The following DDX6 variants were observed in gnomAD, a reference collection of about 807,000 sequenced individuals.
DDX6 encodes the protein probable ATP-dependent RNA helicase DDX6.
In DDX6, 7 loss-of-function variants were observed where a neutral mutation model predicts 60.6. The ratio of observed to expected loss-of-function variants is 0.12; its 90% CI spans 0.07 to 0.22. DDX6 has a LOEUF of 0.22. Among genes scored for constraint, DDX6 ranks in the 10% least tolerant of loss-of-function variants. The pLI is 1.00. For synonymous variants in DDX6, 207 were observed against 201.0 expected (o/e 1.03, Z -0.25); for missense variants, 270 against 589.9 (o/e 0.46, Z 5.62).
chr11:118,787,434 A>C (rs1591930067), intron 1 of DDX6: 1 of 151,926 alleles, frequency 6.6e-6, no homozygotes, highest in South Asian at 2.1e-4. Context: ...GTGCCACTGC[A>C]CTCCAGCCTC....
Position 118,764,821 on chromosome 11 carries a change from T to TATACACACACACAC in DDX6, c.646+387_646+388insGTGTGTGTGTGTAT, listed in dbSNP as rs143249039. Among the ~76,000 whole-genome samples the TATACACACACACAC allele has an allele frequency of 8.8e-4, 123 of 139,030 alleles. No homozygotes were observed. In the Middle Eastern group the frequency reaches 0.042, roughly 47 times the overall value. The allele number at this position is 139,030 out of a possible 152,430, so 91.2% of individuals were successfully genotyped here. A position where few individuals can be genotyped will look rare whatever the true frequency, so the allele number is the denominator to read the frequency against. On this transcript the variant is annotated intron_variant, in intron 6 of 13. Transcript: ENST00000534980. ...TCCATCTCCAAAAAAAAAAAAAATA[T>TATACACACACACAC]ACACACACACACACACATTATATAT...
chr11:118,769,201 T>C (rs1167457382), intron 4 of DDX6, among the ~76,000 whole-genome samples: 1 of 152,088 alleles, frequency 6.6e-6, no homozygotes, highest in Non-Finnish European at 1.5e-5. Flanking sequence ...AGCACACCAA[T>C]TTGACCACAG....
rs1860689380 is a variant in DDX6, at chr11:118,749,742, G to C, written c.*2363C>G. ...CAAGAGGTGGGGGAGAAAGAGAGCTGCATCGGTACAAGGGCACAATTTTTT... is the reference window on the plus strand; with the variant it reads ...CAAGAGGTGGGGGAGAAAGAGAGCTCCATCGGTACAAGGGCACAATTTTTT... On this transcript the variant is annotated 3_prime_UTR_variant, in exon 14 of 14. Transcript: ENST00000534980. 1 of 152,628 alleles carries C rather than the reference G, an allele frequency of 6.6e-6. No homozygotes were observed. Among genetic ancestry groups the C allele is most frequent in the African/African-American group, 2.4e-5 (1 of 41,452 alleles). The allele number at this position is 152,628 out of a possible 1,614,324, so 9.5% of individuals were successfully genotyped here. A position where few individuals can be genotyped will look rare whatever the true frequency, so the allele number is the denominator to read the frequency against.
At chr11:118,774,437 AT>A (rs1368883195) in intron 4 of DDX6, among the ~76,000 whole-genome samples, 1 of 146,726 alleles carries the variant, frequency 6.8e-6, no homozygotes, top group East Asian at 2.0e-4. Flanking sequence ...AGAGCATATA[AT>A]TTTAAGTGCC....
At chr11:118,762,825 G>A (rs917798869) in intron 7 of DDX6, among the ~76,000 whole-genome samples, 3 of 152,100 alleles carry the variant, frequency 2.0e-5, no homozygotes, top group Non-Finnish European at 4.4e-5. Context: ...GATAATACAT[G>A]TAACAGAGAT....
At chr11:118,766,098 GC>G (rs1460337366) in intron 5 of DDX6, among the ~76,000 whole-genome samples, 1 of 151,972 alleles carries the variant, frequency 6.6e-6, no homozygotes, top group East Asian at 1.9e-4. Context: ...AAGAAACACT[GC>G]CCCTTATAAT....
chr11:118,786,075 T>C lies in DDX6; in HGVS notation c.177A>G (p.Ala59=), dbSNP rs1565580843. The stretch of plus-strand genomic sequence containing the variant: ...ACTTAATAGTGGTGGTCATACTCTG[T>C]GCTTGCTGCTGAGTGCCATTATTGA... ...NTINNGTQQQ[A]QSMTTTIKPG... Residue 59 remains alanine, a synonymous_variant, in exon 2 of 14, where the codon GCA becomes GCG. Coordinates refer to ENST00000534980, the MANE Select transcript of DDX6 (RefSeq NM_004397.6). The C allele has an allele frequency of 2.5e-6, 4 of 1,614,006 alleles. No individual in the cohort carries two copies. Among genetic ancestry groups the C allele is most frequent in the Non-Finnish European group, 3.4e-6 (4 of 1,179,872 alleles).
In DDX6 at chr11:118,759,051, A is replaced by G. The variant is rs1239362501; in HGVS notation, c.865-149T>C. ...TTCAAAACAAAATATATGATCTGTCATTACAGAATTTCCCCCCTGCCACCC... is the reference window on the plus strand; with the variant it reads ...TTCAAAACAAAATATATGATCTGTCGTTACAGAATTTCCCCCCTGCCACCC... On this transcript the variant is annotated intron_variant, in intron 8 of 13. Transcript: ENST00000534980. 5.3e-5 allele frequency: 57 copies of G among 1,070,866 alleles called. 1 individual carries two copies. The highest frequency in any genetic ancestry group is 1.6e-5 in the African/African-American group (1 of 62,200). The allele number at this position is 1,070,866 out of a possible 1,614,324, so 66.3% of individuals were successfully genotyped here. A position where few individuals can be genotyped will look rare whatever the true frequency, so the allele number is the denominator to read the frequency against.
chr11:118,777,892 A>G (rs1039574849), intron 4 of DDX6, among the ~76,000 whole-genome samples: 22 of 138,188 alleles, frequency 1.6e-4, no homozygotes, highest in Non-Finnish European at 2.8e-4. Context: ...CCATCTCAAA[A>G]AAGAGAAAAA....
At position 118,786,419 on chromosome 11, in the gene DDX6, G is replaced by GGTAAGCAGCAGTAACTTGC; in HGVS notation, c.-187_-169dup. On this transcript the variant is annotated 5_prime_UTR_variant, in exon 2 of 14. Transcript: ENST00000534980. ...GGCAAGCACCTGTAAGTCTCTGAAC[G>GGTAAGCAGCAGTAACTTGC]GTAAGCAGCAGTAACTTGCTCTCTT... The GGTAAGCAGCAGTAACTTGC allele has an allele frequency of 2.0e-6, 1 of 488,910 alleles. No homozygotes were observed. Among genetic ancestry groups the GGTAAGCAGCAGTAACTTGC allele is most frequent in the South Asian group, 4.8e-5 (1 of 20,954 alleles). 30.3% of individuals were successfully genotyped at this position (488,910 alleles called of 1,614,324 possible). A position where few individuals can be genotyped will look rare whatever the true frequency, so the allele number is the denominator to read the frequency against.
rs1860735328 is a variant in DDX6, at chr11:118,750,817, TC to T, written c.*1287del. On this transcript the variant is annotated 3_prime_UTR_variant, in exon 14 of 14. Transcript: ENST00000534980. ...TATCAATGTTTTGAAGCTTCCTTGCTCTCTCTGGTAAACCTACTCCAAAGGT... is the reference window on the plus strand; with the variant it reads ...TATCAATGTTTTGAAGCTTCCTTGCTTCTCTGGTAAACCTACTCCAAAGGT... 1 of 151,632 alleles carries T rather than the reference TC, an allele frequency of 6.6e-6. No individual in the cohort carries two copies. Among genetic ancestry groups the T allele is most frequent in the African/African-American group, 2.4e-5 (1 of 41,290 alleles). The allele number at this position is 151,632 out of a possible 1,614,324, so 9.4% of individuals were successfully genotyped here.
chr11:118,756,193 T>C, intron 11 of DDX6, 67 bp downstream of exon 11: 1 of 1,300,814 alleles, frequency 7.7e-7, no homozygotes, highest in Non-Finnish European at 1.1e-6. Flanking sequence ...CTATGTAATA[T>C]GAACAGAGAA....
chr11:118,753,495 A>G (rs989955279), intron 13 of DDX6, among the ~76,000 whole-genome samples: 10 of 151,484 alleles, frequency 6.6e-5, no homozygotes, highest in Non-Finnish European at 1.3e-4. Flanking sequence ...GCGTGTCACC[A>G]TGCCCGGCTA....
At chr11:118,758,459 C>T (rs778176756) in intron 9 of DDX6, among the ~76,000 whole-genome samples, 3 of 152,074 alleles carry the variant, frequency 2.0e-5, no homozygotes, top group South Asian at 2.1e-4. Context: ...CTGCAGCCTC[C>T]GCCTCCTGGG....
At chr11:118,776,736 G>A (rs1017189662) in intron 4 of DDX6, among the ~76,000 whole-genome samples, 1 of 151,968 alleles carries the variant, frequency 6.6e-6, no homozygotes, top group African/African-American at 2.4e-5. Context: ...GGGAGGCTGA[G>A]GCAGGGGAAT....
At chr11:118,756,812 TATTTTA>T (rs1462531762) in intron 10 of DDX6, among the ~76,000 whole-genome samples, 6 of 152,222 alleles carry the variant, frequency 3.9e-5, no homozygotes, top group African/African-American at 7.2e-5. Context: ...ACTGACTTTT[TATTTTA>T]ATTTTAACTG....
chr11:118,769,793 C>T lies in DDX6; in HGVS notation c.370-1441G>A, dbSNP rs1861475944. On this transcript the variant is annotated intron_variant, in intron 4 of 13. Transcript: ENST00000534980. ...AATCTCGGCTCACTGCAAGCTCTGG[C>T]TCCCGGGTTCACGCCATTCTCCTGC... 1.3e-5 allele frequency among the ~76,000 whole-genome samples: 2 copies of T among 152,158 alleles called. 1 individual carries two copies. The highest frequency in any genetic ancestry group is 4.1e-4 in the South Asian group (2 of 4,834).
At chr11:118,784,925 T>C (rs1315083384) in intron 2 of DDX6, among the ~76,000 whole-genome samples, 1 of 152,164 alleles carries the variant, frequency 6.6e-6, no homozygotes, top group Non-Finnish European at 1.5e-5. Context: ...TTTGTACTTT[T>C]AGTAGAGACG....
chr11:118,788,836 GGTCT>G (rs1201767303), intron 1 of DDX6: 2 of 151,376 alleles, frequency 1.3e-5, no homozygotes, highest in Admixed American at 1.3e-4. Flanking sequence ...TGGGATTACA[GGTCT>G]GGCTAATTTC....
Sources: allele counts gnomAD v4.1 joint callset (sites outside exome capture counted in the v4.1 genomes callset), GRCh38; gene constraint gnomAD v4.1.1; transcripts MANE v1.5; gene names NCBI Gene and HGNC (gene_info 2026-07-23, HGNC 2026-07-21).